ITPK1: variants seen among roughly 807,000 people sequenced by gnomAD.
ITPK1 encodes inositol-tetrakisphosphate 1-kinase.
In ITPK1, 21 loss-of-function variants were observed where a neutral mutation model predicts 45.3. The observed-to-expected ratio is 0.46, with a 90% CI of 0.33 to 0.67. The LOEUF (loss-of-function observed/expected upper bound fraction) is 0.67, where lower values mean the gene tolerates loss of function less well. Among genes scored for constraint, ITPK1 ranks in the 30% least tolerant of loss-of-function variants. ITPK1 has a pLI of 0.02. For synonymous variants in ITPK1, 258 were observed against 253.6 expected (o/e 1.02, Z -0.16); for missense variants, 474 against 573.5 (o/e 0.83, Z 1.77).
At chr14:92,991,009 CA>C (rs1398882998) in intron 5 of ITPK1, among the ~76,000 whole-genome samples, 8 of 151,442 alleles carry the variant, frequency 5.3e-5, no homozygotes, top group Non-Finnish European at 1.0e-4. Context: ...ACTGCCGGGG[CA>C]GGGGGGGTGA....
chr14:92,941,895 C>T lies in ITPK1; in HGVS notation c.911G>A (p.Gly304Asp). 1 of 1,611,770 alleles carries T rather than the reference C, an allele frequency of 6.2e-7. No individual in the cohort carries two copies. The highest frequency in any genetic ancestry group is 8.5e-7 in the Non-Finnish European group (1 of 1,179,692). ...GAGGTCTGTGAAGAACTCGCTCACGCCCTCGTAGCCTGGGGGTGGGAGAGA... is the reference window on the plus strand; with the variant it reads ...GAGGTCTGTGAAGAACTCGCTCACGTCCTCGTAGCCTGGGGGTGGGAGAGA... ...IDINAFPGYE[G>D]VSEFFTDLLN... The change falls in exon 11 of 11, where the codon GGC becomes GAC. Residue 304 changes from glycine (G) to aspartate (D), a missense_variant. Gly to Asp is a moderately conservative substitution (Grantham distance 94). Transcript: ENST00000267615.
At chr14:93,037,145 A>G (rs2139903007) in intron 3 of ITPK1, among the ~76,000 whole-genome samples, 1 of 152,252 alleles carries the variant, frequency 6.6e-6, no homozygotes, top group South Asian at 2.1e-4. Context: ...TGGGGCCTAC[A>G]CAGGAAGCCC....
rs1184723083 is a variant in ITPK1 at position 93,014,402 on chromosome 14, G to C, written c.246+2274C>G. Among the ~76,000 whole-genome samples, 5 of 152,218 alleles carry C rather than the reference G, an allele frequency of 3.3e-5. No individual in the cohort carries two copies. The highest frequency in any genetic ancestry group is 7.3e-5 in the Non-Finnish European group (5 of 68,038). On this transcript the variant is annotated intron_variant, in intron 4 of 10. Transcript: ENST00000267615. The surrounding 1 kb of genome is among the most constrained non-coding windows in gnomAD (Gnocchi z 4.4). The stretch of plus-strand genomic sequence containing the variant: ...AAGTGGGCAAGAGGGATAAGAGCTT[G>C]GGAGCAGATGTTCCAGAACTCCGGG...
chr14:93,046,907 TCCAG>T (rs1889803262), intron 3 of ITPK1, among the ~76,000 whole-genome samples: 1 of 152,180 alleles, frequency 6.6e-6, no homozygotes, highest in Non-Finnish European at 1.5e-5. Context: ...AGGCCCATGC[TCCAG>T]CCCAGAGCAG....
rs370362612 is a variant in ITPK1 at position 92,962,769 on chromosome 14, C to T, written c.445G>A (p.Gly149Ser). 5.6e-6 allele frequency: 9 copies of T among 1,613,504 alleles called. No individual in the cohort carries two copies. In the Admixed American group the frequency reaches 8.3e-5, roughly 15 times the overall value. ...DDTMRLLEKN[G>S]LTFPFICKTR... ...TACGCACTGAATGGGAAAGTCAAGC[C>T]GTTCTTCTCCAGCAGCCGCATGGTG... The change falls in exon 6 of 11, where the codon GGC (glycine) becomes AGC (serine). Residue 149 changes from glycine to serine, a missense_variant. Physicochemically the swap from Gly to Ser is moderately conservative, Grantham distance 56. Transcript: ENST00000267615.
At chr14:92,969,783 T>C (rs1421057415) in intron 5 of ITPK1, among the ~76,000 whole-genome samples, 2 of 152,210 alleles carry the variant, frequency 1.3e-5, no homozygotes, top group Non-Finnish European at 2.9e-5. Flanking sequence ...TCTGCCATCC[T>C]TATTTTTGGA....
intron 3 of ITPK1, among the ~76,000 whole-genome samples, chr14:93,044,586 C>G (rs60649609): frequency 0.063 from 9,518 of 152,244 alleles, 724 homozygotes; most frequent in African/African-American, 0.18. Flanking sequence ...AAAGGACTGA[C>G]AGCCAGCCAT....
intron 3 of ITPK1, among the ~76,000 whole-genome samples, chr14:93,043,422 G>C (rs1889647443): frequency 6.6e-6 from 1 of 152,190 alleles, no homozygotes; most frequent in Admixed American, 6.5e-5. Flanking sequence ...AGTCACTGCA[G>C]AAAGCACCGA....
intron 3 of ITPK1, among the ~76,000 whole-genome samples, chr14:93,038,844 C>G (rs1024010689): frequency 5.9e-5 from 9 of 152,166 alleles, no homozygotes; most frequent in Non-Finnish European, 1.2e-4. Context: ...TGTTTAAAAC[C>G]GGAAAACCAT....
intron 3 of ITPK1, among the ~76,000 whole-genome samples, chr14:93,047,816 C>T (rs1595167425): frequency 6.6e-6 from 1 of 152,236 alleles, no homozygotes; most frequent in Non-Finnish European, 1.5e-5. Context: ...CACCAGCCAG[C>T]CCGACATCTG....
chr14:93,099,166 G>T (rs1386342449), intron 2 of ITPK1, among the ~76,000 whole-genome samples: 3 of 152,140 alleles, frequency 2.0e-5, no homozygotes, highest in African/African-American at 7.2e-5. Context: ...CTCAGCTGTG[G>T]GGGGCCAGGG....
chr14:92,991,980 A>G (rs566913511), intron 5 of ITPK1, among the ~76,000 whole-genome samples: 7 of 152,292 alleles, frequency 4.6e-5, no homozygotes, highest in African/African-American at 1.7e-4. Context: ...GGTATCACCC[A>G]TATCTTCCAG....
chr14:92,964,146 A>G (rs968165605), intron 5 of ITPK1, among the ~76,000 whole-genome samples: 6 of 152,064 alleles, frequency 3.9e-5, no homozygotes, highest in Non-Finnish European at 8.8e-5. Context: ...TCCTACCCTC[A>G]CAGTCTAAAC....
chr14:93,064,084 C>T (rs1212719309), intron 3 of ITPK1, among the ~76,000 whole-genome samples: 1 of 151,920 alleles, frequency 6.6e-6, no homozygotes, highest in East Asian at 1.9e-4. Context: ...GAGATTGAGA[C>T]CATCCTGGCT....
intron 1 of ITPK1, 22 bp downstream of exon 1, chr14:93,115,750 C>A: frequency 6.7e-6 from 1 of 150,328 alleles, no homozygotes; most frequent in South Asian, 1.8e-4. Context: ...CGCGGCCACT[C>A]GGCCCGGCCA....
chr14:93,048,676 C>T (rs1162633727), intron 3 of ITPK1, among the ~76,000 whole-genome samples: 4 of 152,212 alleles, frequency 2.6e-5, no homozygotes, highest in Non-Finnish European at 4.4e-5. Context: ...CAGCTGGGCG[C>T]GGTGGCTCAC....
chr14:92,985,576 C>T (rs1342150235), intron 5 of ITPK1, among the ~76,000 whole-genome samples: 1 of 151,652 alleles, frequency 6.6e-6, no homozygotes, highest in Admixed American at 6.6e-5. Context: ...TGATTGGTCA[C>T]CCTGAAGACA....
chr14:93,068,669 G>C (rs1021446374), intron 3 of ITPK1: 1 of 152,234 alleles, frequency 6.6e-6, no homozygotes, highest in African/African-American at 2.4e-5. Flanking sequence ...GGGTACGCTG[G>C]AGAGTATGGG....
chr14:92,966,021 T>C (rs1228399359), intron 5 of ITPK1, among the ~76,000 whole-genome samples: 1 of 152,196 alleles, frequency 6.6e-6, no homozygotes, highest in Non-Finnish European at 1.5e-5. Context: ...GAGAAAATTA[T>C]GTATGTGTAT....
Sources: allele counts gnomAD v4.1 joint callset (sites outside exome capture counted in the v4.1 genomes callset), GRCh38; gene constraint gnomAD v4.1.1; non-coding constraint Gnocchi (gnomAD v3.1); transcripts MANE v1.5; gene names NCBI Gene and HGNC (gene_info 2026-07-23, HGNC 2026-07-21).